RSU1: variants seen among roughly 807,000 people sequenced by gnomAD.
RSU1 encodes the protein Ras suppressor protein 1.
A neutral mutation model predicts 31.1 loss-of-function variants in RSU1; 26 were observed. The observed-to-expected ratio is 0.84, with a 90% confidence interval of 0.61 to 1.16. RSU1 has a LOEUF of 1.16. Ranked by LOEUF, RSU1 falls within the 50% of genes most tolerant of loss-of-function variation. RSU1 has a pLI of 0.00. For synonymous variants in RSU1, 164 were observed against 136.3 expected, an observed-to-expected ratio of 1.20 and a Z score of -1.41; for missense variants, 320 against 339.1, an observed-to-expected ratio of 0.94 and a Z score of 0.44.
At chr10:16,627,244 C>CT (rs1301040343) in intron 8 of RSU1, among the ~76,000 whole-genome samples, 2 of 152,136 alleles carry the variant, frequency 1.3e-5, no homozygotes, top group Non-Finnish European at 2.9e-5. Context: ...AAACAAGTAA[C>CT]TTATATATTG....
At chr10:16,789,538 G>T (rs1431888241) in intron 2 of RSU1, among the ~76,000 whole-genome samples, 1 of 152,180 alleles carries the variant, frequency 6.6e-6, no homozygotes, top group East Asian at 1.9e-4. Flanking sequence ...GGAATGGTGA[G>T]TTCACTGTGA....
chr10:16,605,987 A>G (rs1460865326), intron 8 of RSU1, among the ~76,000 whole-genome samples: 1 of 152,064 alleles, frequency 6.6e-6, no homozygotes. Context: ...ACCTGGCTTC[A>G]AGTGATCCTC....
chr10:16,703,751 T>C (rs894780934), intron 7 of RSU1, among the ~76,000 whole-genome samples: 2 of 152,140 alleles, frequency 1.3e-5, no homozygotes, highest in Non-Finnish European at 2.9e-5. Context: ...CACAGGTGTA[T>C]AGGAAAAAGA....
At chr10:16,759,058 G>A (rs1048080093) in intron 4 of RSU1, among the ~76,000 whole-genome samples, 10 of 152,256 alleles carry the variant, frequency 6.6e-5, no homozygotes, top group Non-Finnish European at 1.2e-4. Context: ...GCCCCAGAAA[G>A]GTCTGTACTA....
At chr10:16,805,168 T>A (rs1231578968) in intron 2 of RSU1, among the ~76,000 whole-genome samples, 1 of 151,872 alleles carries the variant, frequency 6.6e-6, no homozygotes, top group East Asian at 1.9e-4. Context: ...GATCACACCA[T>A]TGCAATCCAG....
intron 7 of RSU1, among the ~76,000 whole-genome samples, chr10:16,746,409 C>G (rs966561738): frequency 6.6e-6 from 1 of 152,056 alleles, no homozygotes; most frequent in Non-Finnish European, 1.5e-5. Context: ...TCCCTCTTCT[C>G]CAAAGGCAAA....
At chr10:16,722,646 G>A (rs763839942) in intron 7 of RSU1, among the ~76,000 whole-genome samples, 17 of 151,918 alleles carry the variant, frequency 1.1e-4, no homozygotes, top group Non-Finnish European at 2.4e-4. Flanking sequence ...GGATATTATG[G>A]GTCTACATAG....
intron 7 of RSU1, among the ~76,000 whole-genome samples, chr10:16,701,658 A>C (rs1835797851): frequency 6.6e-6 from 1 of 152,122 alleles, no homozygotes; most frequent in Non-Finnish European, 1.5e-5. Flanking sequence ...AGAGAAAACC[A>C]CCACCCTACC....
chr10:16,594,478 T>A (rs1376250513), intron 8 of RSU1, among the ~76,000 whole-genome samples: 2 of 150,998 alleles, frequency 1.3e-5, no homozygotes, highest in African/African-American at 4.9e-5. Context: ...CAGTGTATGA[T>A]CATAGCTCAC....
chr10:16,713,913 CA>C (rs1307546540), intron 7 of RSU1, among the ~76,000 whole-genome samples: 2 of 152,082 alleles, frequency 1.3e-5, no homozygotes, highest in African/African-American at 4.8e-5. Flanking sequence ...TGGGTGGACT[CA>C]GTAGCATGGT....
intron 8 of RSU1, among the ~76,000 whole-genome samples, chr10:16,654,427 T>C (rs1834737849): frequency 6.7e-6 from 1 of 148,706 alleles, no homozygotes; most frequent in African/African-American, 2.5e-5. Flanking sequence ...CCCAGCACTT[T>C]GGGAGGCTGA....
intron 5 of RSU1, among the ~76,000 whole-genome samples, chr10:16,753,872 C>T (rs558885988): frequency 6.6e-6 from 1 of 152,186 alleles, no homozygotes; most frequent in Admixed American, 6.5e-5. Flanking sequence ...CTCTTTCTAC[C>T]TCAGCCTCCC....
At chr10:16,667,882 A>G (rs1051668763) in intron 8 of RSU1, among the ~76,000 whole-genome samples, 1 of 152,234 alleles carries the variant, frequency 6.6e-6, no homozygotes, top group Non-Finnish European at 1.5e-5. Flanking sequence ...AATTTGGTGA[A>G]TCAAAAAGAT....
chr10:16,757,587 A>C (rs1837123796), intron 4 of RSU1, among the ~76,000 whole-genome samples: 1 of 152,242 alleles, frequency 6.6e-6, no homozygotes, highest in Non-Finnish European at 1.5e-5. Flanking sequence ...CTACCTTGCA[A>C]TACAGGTAAG....
At chr10:16,809,193 G>A (rs529173807) in intron 2 of RSU1, among the ~76,000 whole-genome samples, 2 of 152,190 alleles carry the variant, frequency 1.3e-5, no homozygotes, top group Non-Finnish European at 2.9e-5. Flanking sequence ...GATGGAATCT[G>A]CTCAATGGGG....
chr10:16,592,208 A>G lies in RSU1; in HGVS notation c.*1186T>C, dbSNP rs1212011194. 6.6e-6 allele frequency: 1 copy of G among 152,214 alleles called. No individual in the cohort carries two copies. The highest frequency in any genetic ancestry group is 1.5e-5 in the Non-Finnish European group (1 of 68,064). The allele number at this position is 152,214 out of a possible 1,614,324, so 9.4% of individuals were successfully genotyped here. On this transcript the variant is annotated 3_prime_UTR_variant, in exon 9 of 9. Coordinates refer to ENST00000345264, the MANE Select transcript of RSU1 (RefSeq NM_012425.4). ...CTGGGAAGCCGAAAGGACACAGCAG[A>G]GAAGGGCAGGCCCCCTCTCCCAGGC...
intron 7 of RSU1, among the ~76,000 whole-genome samples, chr10:16,727,625 T>C (rs143423750): frequency 1.2e-3 from 176 of 152,326 alleles, no homozygotes; most frequent in Middle Eastern, 3.4e-3. Flanking sequence ...TTCGTATTTT[T>C]CACTCCGGAT....
intron 2 of RSU1, among the ~76,000 whole-genome samples, chr10:16,811,816 T>G (rs1175399526): frequency 6.6e-6 from 1 of 152,236 alleles, no homozygotes. Flanking sequence ...GCTTTCTCCC[T>G]TAGCCAACCT....
At chr10:16,746,356 A>G (rs776252563) in intron 7 of RSU1, among the ~76,000 whole-genome samples, 1 of 152,170 alleles carries the variant, frequency 6.6e-6, no homozygotes, top group Non-Finnish European at 1.5e-5. Context: ...TGTCTATAGC[A>G]CTTTGTTTTG....
Sources: gnomAD v4.1 joint callset for allele counts (sites outside exome capture counted in the v4.1 genomes callset) on GRCh38, gnomAD v4.1.1 for gene constraint, MANE v1.5 for transcripts, NCBI Gene and HGNC (gene_info 2026-07-23, HGNC 2026-07-21) for gene names.